PRKN: variants seen among roughly 807,000 people sequenced by gnomAD.
PRKN encodes E3 ubiquitin-protein ligase parkin.
A neutral mutation model predicts 59.5 loss-of-function variants in PRKN; 56 were observed. The observed-to-expected ratio is 0.94, with a 90% CI of 0.76 to 1.18. The LOEUF is 1.18. PRKN is among the 50% of genes most tolerant of loss of function. The pLI is 0.00. For synonymous variants in PRKN, 250 were observed against 222.1 expected, an observed-to-expected ratio of 1.13 and a Z score of -1.12; for missense variants, 657 against 596.4, an observed-to-expected ratio of 1.10 and a Z score of -1.06.
At position 161,584,736 on chromosome 6, in the gene PRKN, T is replaced by C. The variant is rs1781463117; in HGVS notation, c.872-15320A>G. On this transcript the variant is annotated intron_variant, in intron 7 of 11. Transcript: ENST00000366898. The surrounding 1 kb of genome is among the most constrained non-coding windows in gnomAD (Gnocchi z 4.8). ...CTACATCCAGCTTCATTTAGGATAT[T>C]GCTTCTCAGAAGACATCCCGAACAC... 1.3e-5 allele frequency among the ~76,000 whole-genome samples: 2 copies of C among 152,218 alleles called. No individual in the cohort carries two copies. The highest frequency in any genetic ancestry group is 1.3e-4 in the Admixed American group (2 of 15,282).
intron 1 of PRKN, among the ~76,000 whole-genome samples, chr6:162,682,551 T>C (rs764871944): frequency 5.9e-5 from 9 of 152,098 alleles, no homozygotes; most frequent in African/African-American, 1.4e-4. Flanking sequence ...AAGCTAAACA[T>C]TGAATACACA....
At chr6:162,043,040 C>T (rs541378260) in intron 5 of PRKN, among the ~76,000 whole-genome samples, 4 of 152,150 alleles carry the variant, frequency 2.6e-5, no homozygotes, top group South Asian at 2.1e-4. Context: ...ATAATCATGG[C>T]GGGAGGTGAA....
intron 9 of PRKN, among the ~76,000 whole-genome samples, chr6:161,453,399 G>T (rs1789829950): frequency 6.6e-6 from 1 of 151,776 alleles, no homozygotes. Flanking sequence ...CTATCACCTT[G>T]GCTTGTCTCT....
rs537784182 is a variant in PRKN at position 161,373,708 on chromosome 6, C to T, written c.1167+13086G>A. On this transcript the variant is annotated intron_variant, in intron 10 of 11. Coordinates refer to ENST00000366898, the MANE Select transcript of PRKN (RefSeq NM_004562.3). The surrounding 1 kb of genome is among the most constrained non-coding windows in gnomAD (Gnocchi z 4.8). ...AGTTTAAACGGGCTATGCCTCTGTG[C>T]TTGCAAGGAACAAGTGTAGAGCAGG... 1.3e-5 allele frequency among the ~76,000 whole-genome samples: 2 copies of T among 152,100 alleles called. No homozygotes were observed. The highest frequency in any genetic ancestry group is 2.1e-4 in the South Asian group (1 of 4,824).
chr6:161,594,853 G>A (rs964475606), intron 7 of PRKN, among the ~76,000 whole-genome samples: 1 of 152,098 alleles, frequency 6.6e-6, no homozygotes, highest in African/African-American at 2.4e-5. Context: ...AGAAAATAAG[G>A]AAACAAGTGG....
chr6:162,224,794 A>G (rs929530506), intron 3 of PRKN, among the ~76,000 whole-genome samples: 7 of 152,142 alleles, frequency 4.6e-5, no homozygotes, highest in Non-Finnish European at 8.8e-5. Context: ...GCAAAAAATT[A>G]AGGTTGTTGC....
At chr6:161,978,016 G>GTATTTTATTGTATTTTATTTTATTT (rs1554256921) in intron 5 of PRKN, among the ~76,000 whole-genome samples, 23 of 148,480 alleles carry the variant, frequency 1.5e-4, no homozygotes, top group African/African-American at 5.7e-4. Flanking sequence ...TTATTTTATT[G>GTATTTTATTGTATTTTATTTTATTT]TATTTTATTT....
At position 161,552,801 on chromosome 6, in the gene PRKN, T is replaced by G. The variant is rs959041854; in HGVS notation, c.934-3798A>C. On this transcript the variant is annotated intron_variant, in intron 8 of 11. Coordinates refer to ENST00000366898, the MANE Select transcript of PRKN (RefSeq NM_004562.3). The surrounding 1 kb of genome is among the most constrained non-coding windows in gnomAD (Gnocchi z 4.9). ...GTTTTGTTGTTGTTTTTGTTTTTTGTTTTTTTTTTTTAGACGGAGTCTCGT... is the reference window on the plus strand; with the variant it reads ...GTTTTGTTGTTGTTTTTGTTTTTTGGTTTTTTTTTTTAGACGGAGTCTCGT... Among the ~76,000 whole-genome samples the G allele has an allele frequency of 1.4e-5, 2 of 143,018 alleles. No individual in the cohort carries two copies. Among genetic ancestry groups the G allele is most frequent in the African/African-American group, 5.1e-5 (2 of 38,864 alleles). The allele number at this position is 143,018 out of a possible 152,430, so 93.8% of individuals were successfully genotyped here.
chr6:162,725,345 G>C (rs941231115), intron 1 of PRKN, among the ~76,000 whole-genome samples: 2 of 152,096 alleles, frequency 1.3e-5, no homozygotes, highest in African/African-American at 4.8e-5. Context: ...CTGAATTTTT[G>C]TCACAAAAAC....
chr6:161,750,098 C>CATATATATATATATATAT (rs72125109), intron 7 of PRKN, among the ~76,000 whole-genome samples: 8 of 145,186 alleles, frequency 5.5e-5, no homozygotes, highest in African/African-American at 2.1e-4. Context: ...ACACATAGGA[C>CATATATATATATATATAT]ATATATATAT....
At chr6:161,957,227 C>T (rs1038213126) in intron 6 of PRKN, among the ~76,000 whole-genome samples, 5 of 152,168 alleles carry the variant, frequency 3.3e-5, no homozygotes, top group East Asian at 1.9e-4. Context: ...AGCACTGTCA[C>T]GTGAATGTTG....
At chr6:161,999,041 A>G (rs1415285175) in intron 5 of PRKN, among the ~76,000 whole-genome samples, 1 of 152,130 alleles carries the variant, frequency 6.6e-6, no homozygotes, top group Admixed American at 6.6e-5. Flanking sequence ...TAGAAAGATA[A>G]GTAGATTCTC....
intron 4 of PRKN, among the ~76,000 whole-genome samples, chr6:162,188,255 G>A (rs1784112578): frequency 2.0e-5 from 3 of 152,026 alleles, no homozygotes; most frequent in South Asian, 2.1e-4. Flanking sequence ...CAGATATACC[G>A]GGAGCTGCTT....
intron 9 of PRKN, among the ~76,000 whole-genome samples, chr6:161,436,302 C>CTGGGATGGGAGGGCAGAGAGGCGGCGG (rs1562448140): frequency 4.7e-5 from 1 of 21,294 alleles, no homozygotes; most frequent in Non-Finnish European, 9.4e-5. Flanking sequence ...AGAGCAGGGG[C>CTGGGATGGGAGGGCAGAGAGGCGGCGG]CGGGATGGGA....
intron 6 of PRKN, among the ~76,000 whole-genome samples, chr6:161,897,354 C>T (rs994505657): frequency 1.3e-5 from 2 of 152,152 alleles, no homozygotes; most frequent in Non-Finnish European, 2.9e-5. Flanking sequence ...TCTTCTTTTT[C>T]AGATATGCGG....
At chr6:161,450,708 C>T (rs1789694322) in intron 9 of PRKN, among the ~76,000 whole-genome samples, 1 of 152,094 alleles carries the variant, frequency 6.6e-6, no homozygotes, top group African/African-American at 2.4e-5. Context: ...AGGTGCCCGC[C>T]ACCACACCCA....
intron 2 of PRKN, among the ~76,000 whole-genome samples, chr6:162,339,487 G>A (rs1306064457): frequency 7.0e-5 from 10 of 143,172 alleles, no homozygotes; most frequent in East Asian, 4.3e-4. Context: ...CCCTCTGCCC[G>A]GCCAGCCGCC....
intron 4 of PRKN, among the ~76,000 whole-genome samples, chr6:162,129,999 G>A (rs1311206682): frequency 6.6e-6 from 1 of 152,128 alleles, no homozygotes; most frequent in Non-Finnish European, 1.5e-5. Context: ...TAGAATTGAG[G>A]AGTAGAGAAT....
chr6:162,498,383 TCTTTCTTTC>T (rs1793174192), intron 1 of PRKN, among the ~76,000 whole-genome samples: 2 of 121,976 alleles, frequency 1.6e-5, no homozygotes, highest in Non-Finnish European at 3.7e-5. Flanking sequence ...TCATTTTTTT[TCTTTCTTTC>T]CTTTTTTTTT....
Sources: allele counts gnomAD v4.1 joint callset (sites outside exome capture counted in the v4.1 genomes callset), GRCh38; gene constraint gnomAD v4.1.1; non-coding constraint Gnocchi (gnomAD v3.1); transcripts MANE v1.5; gene names NCBI Gene and HGNC (gene_info 2026-07-23, HGNC 2026-07-21).